KAZN: variants seen among roughly 807,000 people sequenced by gnomAD.
KAZN encodes kazrin, periplakin interacting protein.
Under a neutral mutation model 87.4 loss-of-function variants are expected in KAZN, and 40 were observed. The ratio of observed to expected loss-of-function variants is 0.46; its 90% CI spans 0.36 to 0.60. KAZN has a LOEUF of 0.60. Among genes scored for constraint, KAZN ranks in the 20% least tolerant of loss-of-function variants. The pLI is 0.00. For missense variants in KAZN, 898 were observed against 1,073.9 expected, an observed-to-expected ratio of 0.84 and a Z score of 2.29; for synonymous variants, 466 against 458.3, an observed-to-expected ratio of 1.02 and a Z score of -0.22.
chr1:14,208,298 A>T (rs1034719458), intron 2 of KAZN, among the ~76,000 whole-genome samples: 1 of 152,232 alleles, frequency 6.6e-6, no homozygotes, highest in African/African-American at 2.4e-5. Flanking sequence ...AGTATTTCTC[A>T]TATAAACATA....
At chr1:14,057,223 C>T (rs1642611291) in intron 1 of KAZN, among the ~76,000 whole-genome samples, 1 of 151,572 alleles carries the variant, frequency 6.6e-6, no homozygotes, top group Non-Finnish European at 1.5e-5. Context: ...CAATCTCTGG[C>T]TCCCAGGTTC....
At chr1:14,237,085 A>G (rs768250834) in intron 2 of KAZN, among the ~76,000 whole-genome samples, 1 of 152,206 alleles carries the variant, frequency 6.6e-6, no homozygotes, top group Non-Finnish European at 1.5e-5. Flanking sequence ...CTGTTTTGCA[A>G]CATTGTCCTC....
rs539607433 is a variant in KAZN, at chr1:14,577,096, A to G, written c.250-21887A>G. 3.9e-5 allele frequency among the ~76,000 whole-genome samples: 6 copies of G among 152,360 alleles called. No homozygotes were observed. The South Asian group carries it at 8.3e-4, about 21-fold the overall frequency. ...AAACCAGCGTGTAATGGATGAGAAC[A>G]CTTTTGCAACATTTCTTTTAAGGTT... On this transcript the variant is annotated intron_variant, in intron 2 of 16. Transcript: ENST00000636203.
intron 2 of KAZN, among the ~76,000 whole-genome samples, chr1:14,434,507 C>T (rs1243270755): frequency 6.6e-6 from 1 of 152,186 alleles, no homozygotes; most frequent in African/African-American, 2.4e-5. Context: ...GAATTACACA[C>T]CCTTCTGCAC....
intron 2 of KAZN, among the ~76,000 whole-genome samples, chr1:14,314,282 T>A (rs1324488446): frequency 2.0e-5 from 3 of 152,172 alleles, no homozygotes; most frequent in Non-Finnish European, 1.5e-5. Flanking sequence ...CATCTTGCAG[T>A]TAGATTTGTC....
At chr1:14,083,258 T>C (rs1643747542) in intron 1 of KAZN, among the ~76,000 whole-genome samples, 1 of 152,212 alleles carries the variant, frequency 6.6e-6, no homozygotes, top group Non-Finnish European at 1.5e-5. Flanking sequence ...GGTTATCAAT[T>C]TGGCATAACT....
At chr1:14,129,679 C>T (rs969160620) in intron 1 of KAZN, among the ~76,000 whole-genome samples, 14 of 152,182 alleles carry the variant, frequency 9.2e-5, no homozygotes, top group Admixed American at 9.2e-4. Flanking sequence ...GGGTGTTACA[C>T]TTGTCCATTG....
chr1:14,563,530 C>A (rs574630144), intron 2 of KAZN, among the ~76,000 whole-genome samples: 2 of 152,136 alleles, frequency 1.3e-5, no homozygotes, highest in African/African-American at 4.8e-5. Flanking sequence ...CCTATCATGG[C>A]GAATTCATCA....
intron 2 of KAZN, among the ~76,000 whole-genome samples, chr1:14,409,386 G>A (rs151200826): frequency 1.8e-4 from 27 of 152,332 alleles, no homozygotes; most frequent in African/African-American, 6.5e-4. Context: ...ATGAAAGGTA[G>A]ATGGAGGAAA....
chr1:14,212,058 T>A (rs1483481655), intron 2 of KAZN, among the ~76,000 whole-genome samples: 1 of 152,200 alleles, frequency 6.6e-6, no homozygotes, highest in Non-Finnish European at 1.5e-5. Context: ...GGAACACCTC[T>A]TATGAATGGT....
At chr1:14,579,224 AGTT>A (rs1476835718) in intron 2 of KAZN, among the ~76,000 whole-genome samples, 2 of 152,158 alleles carry the variant, frequency 1.3e-5, no homozygotes, top group Non-Finnish European at 2.9e-5. Context: ...TACCTCATGG[AGTT>A]GTTGTAATAA....
intron 1 of KAZN, among the ~76,000 whole-genome samples, chr1:13,996,800 C>T (rs2005500): frequency 0.15 from 22,121 of 152,186 alleles, 1,719 homozygotes; most frequent in Middle Eastern, 0.22. Context: ...CTGGGCAGCC[C>T]GGATGAGTGG....
At chr1:14,601,611 A>G (rs981439695) in intron 1 of KAZN, among the ~76,000 whole-genome samples, 14 of 152,230 alleles carry the variant, frequency 9.2e-5, no homozygotes, top group African/African-American at 3.1e-4. Context: ...AGTTAATTTT[A>G]AAGTGCAATT....
chr1:14,777,932 A>G (rs1645228123), intron 1 of KAZN, among the ~76,000 whole-genome samples: 1 of 152,124 alleles, frequency 6.6e-6, no homozygotes, highest in African/African-American at 2.4e-5. Flanking sequence ...ATTCATTATA[A>G]TTAGCATATA....
At chr1:14,397,861 C>CA (rs761120479) in intron 2 of KAZN, among the ~76,000 whole-genome samples, 2,454 of 40,086 alleles carry the variant, frequency 0.061, 88 homozygotes, top group African/African-American at 0.15. Flanking sequence ...AACTCCATCT[C>CA]AAAAAAAAAA....
chr1:14,888,126 T>C (rs1248577026), intron 1 of KAZN, among the ~76,000 whole-genome samples: 1 of 152,210 alleles, frequency 6.6e-6, no homozygotes, highest in Non-Finnish European at 1.5e-5. Flanking sequence ...GGGACATTCC[T>C]GTCATCCTCC....
chr1:14,713,792 A>AG (rs1220674380), intron 1 of KAZN, among the ~76,000 whole-genome samples: 20 of 130,434 alleles, frequency 1.5e-4, no homozygotes, highest in African/African-American at 3.4e-4. Flanking sequence ...AAAAAAAAAA[A>AG]AAAAAAAAGA....
chr1:14,939,986 G>A (rs1201061982), intron 1 of KAZN, among the ~76,000 whole-genome samples: 1 of 152,168 alleles, frequency 6.6e-6, no homozygotes, highest in Non-Finnish European at 1.5e-5. Context: ...CCCACCCAGG[G>A]AGGGGTCTGC....
intron 1 of KAZN, among the ~76,000 whole-genome samples, chr1:13,992,655 A>G (rs1246547518): frequency 6.6e-6 from 1 of 152,168 alleles, no homozygotes; most frequent in African/African-American, 2.4e-5. Context: ...AAGTAAAAGG[A>G]AAGCCTCCAG....
Sources: allele counts gnomAD v4.1 joint callset (sites outside exome capture counted in the v4.1 genomes callset), GRCh38; gene constraint gnomAD v4.1.1; transcripts MANE v1.5; gene names NCBI Gene and HGNC (gene_info 2026-07-23, HGNC 2026-07-21).